SH3KBP1: variants seen among roughly 807,000 people sequenced by gnomAD.
SH3KBP1 encodes the protein SH3 domain-containing kinase-binding protein 1.
In SH3KBP1, 8 loss-of-function variants were observed where a neutral mutation model predicts 50.1. The ratio of observed to expected loss-of-function variants is 0.16; its 90% confidence interval spans 0.09 to 0.29. The LOEUF (loss-of-function observed/expected upper bound fraction) is 0.29. Ranked by LOEUF, SH3KBP1 falls within the 10% of genes least tolerant of loss-of-function variation. The probability of loss-of-function intolerance (pLI) is 1.00; values close to 1 mark genes in which losing one functional copy is unlikely to be tolerated. For synonymous variants in SH3KBP1, 227 were observed against 218.6 expected, an observed-to-expected ratio of 1.04 and a Z score of -0.34; for missense variants, 377 against 535.2, an observed-to-expected ratio of 0.70 and a Z score of 2.92.
chrX:19,771,754 C>T (rs2065796717), intron 2 of SH3KBP1, among the ~76,000 whole-genome samples: 2 of 108,246 alleles, frequency 1.8e-5, no homozygotes, highest in Non-Finnish European at 1.9e-5. Flanking sequence ...ATCCCAGCTA[C>T]TCAGGAGGCT....
intron 15 of SH3KBP1, among the ~76,000 whole-genome samples, chrX:19,543,242 G>C (rs958560662): frequency 1.8e-5 from 2 of 111,773 alleles, no homozygotes; most frequent in African/African-American, 3.3e-5. Context: ...AGGAAGGACA[G>C]ATCAGGGACC....
intron 2 of SH3KBP1, among the ~76,000 whole-genome samples, chrX:19,805,786 A>C (rs2067027447): frequency 9.0e-6 from 1 of 111,482 alleles, no homozygotes; most frequent in Non-Finnish European, 1.9e-5. Context: ...CCCTTGGGCA[A>C]CTTACTTAAT....
At chrX:19,748,957 G>GA (rs1249986203) in intron 2 of SH3KBP1, among the ~76,000 whole-genome samples, 2 of 111,291 alleles carry the variant, frequency 1.8e-5, no homozygotes, top group East Asian at 2.8e-4. Context: ...AACATAAAGG[G>GA]AAAAAAATAT....
At chrX:19,804,193 G>A (rs964276416) in intron 2 of SH3KBP1, among the ~76,000 whole-genome samples, 1 of 111,011 alleles carries the variant, frequency 9.0e-6, no homozygotes, top group African/African-American at 3.3e-5. Flanking sequence ...AAAAAGAAAT[G>A]AAACCCCAAA....
At chrX:19,762,587 T>C (rs1286100112) in intron 2 of SH3KBP1, among the ~76,000 whole-genome samples, 1 of 111,428 alleles carries the variant, frequency 9.0e-6, no homozygotes, top group Non-Finnish European at 1.9e-5. Context: ...TCCCAAGCCC[T>C]ACCTGCCAAA....
intron 7 of SH3KBP1, among the ~76,000 whole-genome samples, chrX:19,633,653 G>A (rs1425467267): frequency 3.6e-5 from 4 of 111,920 alleles, no homozygotes; most frequent in African/African-American, 1.3e-4. Flanking sequence ...ATAATTATTT[G>A]GATGGAAATC....
chrX:19,860,771 T>C (rs2068757510), intron 1 of SH3KBP1, among the ~76,000 whole-genome samples: 1 of 111,124 alleles, frequency 9.0e-6, no homozygotes, highest in South Asian at 3.7e-4. Flanking sequence ...CTAGGAGAAA[T>C]AACTAAATGC....
At position 19,549,954 on chromosome X, in the gene SH3KBP1, C is replaced by T; in HGVS notation, c.1494+20G>A. 9 of 1,065,753 alleles carry T rather than the reference C, an allele frequency of 8.4e-6. No individual in the cohort carries two copies. Among genetic ancestry groups the T allele is most frequent in the Non-Finnish European group, 1.2e-5 (9 of 767,158 alleles). 87.8% of individuals were successfully genotyped at this position (1,065,753 alleles called of 1,213,427 possible). A position where few individuals can be genotyped will look rare whatever the true frequency, so the allele number is the denominator to read the frequency against. On this transcript the variant is annotated intron_variant, in intron 14 of 17. Transcript: ENST00000397821. ...CGCTGTAGAGAAGTAAGGGAACATA[C>T]AGTTTGAGGAGACACTTACAGATGT...
At chrX:19,572,315 T>TTA (rs201073257) in intron 12 of SH3KBP1, among the ~76,000 whole-genome samples, 3 of 101,296 alleles carry the variant, frequency 3.0e-5, no homozygotes, top group Admixed American at 1.1e-4. Flanking sequence ...AGTACATATG[T>TTA]TATATAGTAC....
At chrX:19,639,103 G>A (rs1413456920) in intron 7 of SH3KBP1, among the ~76,000 whole-genome samples, 1 of 111,487 alleles carries the variant, frequency 9.0e-6, no homozygotes, top group Non-Finnish European at 1.9e-5. Context: ...CAGCCCAAAT[G>A]TCAATACTGC....
At chrX:19,698,391 A>T (rs1259323963) in intron 4 of SH3KBP1, among the ~76,000 whole-genome samples, 1 of 112,241 alleles carries the variant, frequency 8.9e-6, no homozygotes, top group Non-Finnish European at 1.9e-5. Context: ...GTGTAGGAAA[A>T]GCAGGCTGTC....
intron 13 of SH3KBP1, among the ~76,000 whole-genome samples, chrX:19,553,830 C>G (rs2065313161): frequency 1.1e-5 from 1 of 88,446 alleles, no homozygotes; most frequent in South Asian, 4.9e-4. Context: ...CACTCTTAAC[C>G]TCTTAATGCA....
chrX:19,613,835 T>C (rs2067510764), intron 8 of SH3KBP1, among the ~76,000 whole-genome samples: 1 of 112,311 alleles, frequency 8.9e-6, no homozygotes, highest in Non-Finnish European at 1.9e-5. Flanking sequence ...AGAGCAAGCA[T>C]GGGCCATGTG....
chrX:19,849,517 C>T (rs1389597536), intron 1 of SH3KBP1, among the ~76,000 whole-genome samples: 15 of 109,125 alleles, frequency 1.4e-4, no homozygotes, highest in Non-Finnish European at 2.3e-4. Context: ...GGTAAAACCC[C>T]GTCTCCGCAA....
intron 6 of SH3KBP1, among the ~76,000 whole-genome samples, chrX:19,671,371 AAC>A (rs745414505): frequency 0.011 from 1,149 of 101,631 alleles, 9 homozygotes; most frequent in Middle Eastern, 0.024. Flanking sequence ...ATTACTCATA[AAC>A]ACACACACAC....
intron 6 of SH3KBP1, among the ~76,000 whole-genome samples, chrX:19,677,271 G>A (rs1254400445): frequency 2.7e-5 from 3 of 111,424 alleles, no homozygotes; most frequent in African/African-American, 6.5e-5. Context: ...TCATCTAAGT[G>A]ACTCATAAAA....
At chrX:19,687,860 T>C (rs2063201506) in intron 5 of SH3KBP1, among the ~76,000 whole-genome samples, 1 of 111,991 alleles carries the variant, frequency 8.9e-6, no homozygotes, top group African/African-American at 3.3e-5. Flanking sequence ...TTAGGCAGGA[T>C]TTAAGAATGT....
chrX:19,649,663 C>T (rs1038363634), intron 6 of SH3KBP1, among the ~76,000 whole-genome samples: 2 of 111,890 alleles, frequency 1.8e-5, no homozygotes, highest in Non-Finnish European at 3.8e-5. Flanking sequence ...ACTAAATAAA[C>T]GTTTCAGGAT....
intron 2 of SH3KBP1, among the ~76,000 whole-genome samples, chrX:19,817,586 A>G (rs1266390889): frequency 8.9e-6 from 1 of 112,415 alleles, no homozygotes; most frequent in African/African-American, 3.2e-5. Flanking sequence ...CCATAAGATT[A>G]TAATACCATA....
Sources: allele counts gnomAD v4.1 joint callset (sites outside exome capture counted in the v4.1 genomes callset), GRCh38; gene constraint gnomAD v4.1.1; transcripts MANE v1.5; gene names NCBI Gene and HGNC (gene_info 2026-07-23, HGNC 2026-07-21).